Variants in ATP1A4 observed in about 807,000 individuals in gnomAD.
ATP1A4 encodes sodium/potassium-transporting ATPase subunit alpha-4.
Under a neutral mutation model 114.3 loss-of-function variants are expected in ATP1A4, and 90 were observed. The ratio of observed to expected loss-of-function variants is 0.79; its 90% CI spans 0.66 to 0.94. The LOEUF (loss-of-function observed/expected upper bound fraction) is 0.94. Ranked by LOEUF, ATP1A4 falls within the 40% of genes least tolerant of loss-of-function variation. The pLI is 0.00. For synonymous variants in ATP1A4, 511 were observed against 494.1 expected (o/e 1.03, Z -0.45); for missense variants, 1,222 against 1,313.6 (o/e 0.93, Z 1.08).
chr1:160,181,790 A>G lies in ATP1A4; in HGVS notation c.2843A>G (p.Asn948Ser). ...CTCATCATCTCCAAGACTCGCCGCA[A>G]CTCACTTTTCCAGCAGGGCATGAGG... ...ADLIISKTRR[N>S]SLFQQGMRNK... is the part of the protein sequence containing the mutation. Residue 948 changes from asparagine (N) to serine (S), a missense_variant, in exon 19 of 22, where the codon AAC becomes AGC. By Grantham distance (46) the Asn-to-Ser change is conservative (BLOSUM62 1). Transcript: ENST00000368081. The G allele has an allele frequency of 1.9e-6, 3 of 1,613,566 alleles. No individual in the cohort carries two copies. The highest frequency in any genetic ancestry group is 2.5e-6 in the Non-Finnish European group (3 of 1,179,926).
At chr1:160,168,179 G>T (rs1653109360) in intron 10 of ATP1A4, among the ~76,000 whole-genome samples, 1 of 152,144 alleles carries the variant, frequency 6.6e-6, no homozygotes, top group African/African-American at 2.4e-5. Context: ...TGAAGAGAAG[G>T]TTATGGTAGG....
intron 6 of ATP1A4, among the ~76,000 whole-genome samples, chr1:160,162,772 G>A (rs952705104): frequency 2.6e-5 from 4 of 152,168 alleles, no homozygotes; most frequent in African/African-American, 9.7e-5. Context: ...ATAAGGGGAT[G>A]TTGGAACATA....
At chr1:160,158,927 CAGA>C in intron 4 of ATP1A4, 72 bp from the exon 5 acceptor site, 1 of 1,502,548 alleles carries the variant, frequency 6.7e-7, no homozygotes. Flanking sequence ...AGACCAATAA[CAGA>C]AGGTTTTAGG....
At chr1:160,165,561 C>T (rs1652996715) in intron 7 of ATP1A4, among the ~76,000 whole-genome samples, 3 of 151,578 alleles carry the variant, frequency 2.0e-5, no homozygotes, top group South Asian at 2.1e-4. Context: ...AGATCGAGAC[C>T]GTTCTGGCTA....
chr1:160,177,453 C>T, intron 17 of ATP1A4, 66 bp from the exon 18 acceptor site: 2 of 1,580,900 alleles, frequency 1.3e-6, no homozygotes, highest in Non-Finnish European at 1.7e-6. Context: ...CAGCCCTCCC[C>T]TGGCCTACCT....
At chr1:160,174,549 T>C (rs1653389328) in intron 14 of ATP1A4, 30 bp from the exon 15 acceptor site, 34 of 1,603,548 alleles carry the variant, frequency 2.1e-5, no homozygotes, top group Non-Finnish European at 2.8e-5. Context: ...TGCAATAAAT[T>C]GTTCACTCTC....
At chr1:160,184,100 G>C (rs1027801018) in intron 20 of ATP1A4, among the ~76,000 whole-genome samples, 1 of 151,940 alleles carries the variant, frequency 6.6e-6, no homozygotes, top group Non-Finnish European at 1.5e-5. Flanking sequence ...TTACAGGCAC[G>C]CGTCACCACA....
intron 4 of ATP1A4, 25 bp from the exon 5 acceptor site, chr1:160,158,977 A>T: frequency 6.2e-7 from 1 of 1,601,964 alleles, no homozygotes; most frequent in Non-Finnish European, 8.5e-7. Context: ...AGTTTTGGAA[A>T]TGATCCTGCA....
chr1:160,171,561 G>A (rs1244259161), intron 11 of ATP1A4, 24 bp from the exon 12 acceptor site: 2 of 1,610,232 alleles, frequency 1.2e-6, no homozygotes, highest in East Asian at 4.5e-5. Flanking sequence ...ATGACTACTG[G>A]TCCCTCCCTC....
At chr1:160,159,352 A>G in intron 5 of ATP1A4, 57 bp from the exon 6 acceptor site, 3 of 1,484,714 alleles carry the variant, frequency 2.0e-6, no homozygotes, top group Non-Finnish European at 2.8e-6. Flanking sequence ...ATTTTTGTAA[A>G]TAAATCTGCC....
rs141493998 is a variant in ATP1A4, at chr1:160,176,573, G to A, written c.2561G>A (p.Arg854His). 5.8e-5 allele frequency: 94 copies of A among 1,614,132 alleles called. No homozygotes were observed. The highest frequency in any genetic ancestry group is 1.6e-4 in the Middle Eastern group (1 of 6,062). The change falls in exon 17 of 22, where the codon CGT (arginine) becomes CAT (histidine). Residue 854 changes from arginine (R) to histidine (H), a missense_variant. By Grantham distance (29) the Arg-to-His change is conservative. Transcript: ENST00000368081. ...NPKTDNLVNH[R>H]LIGMAYGQIG... is the part of the protein sequence containing the mutation. ...AAGACGGATAATCTGGTGAACCACC[G>A]TCTCATTGGCATGGCCTATGGACAG...
intron 18 of ATP1A4, among the ~76,000 whole-genome samples, chr1:160,179,868 T>C (rs1008236878): frequency 6.6e-6 from 1 of 152,124 alleles, no homozygotes; most frequent in African/African-American, 2.4e-5. Flanking sequence ...CAAGAAGTGT[T>C]GGAACTAGAA....
At position 160,171,425 on chromosome 1, in the gene ATP1A4, G is replaced by T. The variant is rs779267926; in HGVS notation, c.1666G>T (p.Gly556Trp). Residue 556 changes from glycine to tryptophan, a missense_variant, in exon 11 of 22, where the codon GGG becomes TGG. Transcript: ENST00000368081. ...QNAYLELGGLGERVLGFCFLN... is the reference protein window; with the variant it reads ...QNAYLELGGLWERVLGFCFLN... ...TGCCTACTTAGAACTGGGAGGTCTGGGGGAACGTGTGCTAGGTGAGGAGCT... is the reference window on the plus strand; with the variant it reads ...TGCCTACTTAGAACTGGGAGGTCTGTGGGAACGTGTGCTAGGTGAGGAGCT... 1.1e-5 allele frequency: 18 copies of T among 1,614,050 alleles called. No homozygotes were observed. The highest frequency in any genetic ancestry group is 1.7e-5 in the Admixed American group (1 of 60,004).
rs778602426 is a variant in ATP1A4 at position 160,152,069 on chromosome 1, T to C, written c.29T>C (p.Val10Ala). 1.2e-6 allele frequency: 2 copies of C among 1,613,732 alleles called. No homozygotes were observed. Among genetic ancestry groups the C allele is most frequent in the Admixed American group, 1.7e-5 (1 of 59,942 alleles). The change falls in exon 1 of 22, where the codon GTG becomes GCG. Residue 10 changes from valine to alanine, a missense_variant. By Grantham distance (64) the Val-to-Ala change is moderately conservative. Coordinates refer to ENST00000368081, the MANE Select transcript of ATP1A4 (RefSeq NM_144699.4). MGLWGKKGTVAPHDQSPRRR... is the reference protein window; with the variant it reads MGLWGKKGTAAPHDQSPRRR... The stretch of plus-strand genomic sequence containing the variant: ...GGGCTTTGGGGGAAGAAAGGGACAG[T>C]GGCTCCCCATGACCAGAGTCCAAGA...
At chr1:160,168,333 T>C (rs1653114178) in intron 10 of ATP1A4, among the ~76,000 whole-genome samples, 1 of 151,376 alleles carries the variant, frequency 6.6e-6, no homozygotes, top group Non-Finnish European at 1.5e-5. Context: ...GTGGGTAAAA[T>C]GTCTCAGAGA....
intron 7 of ATP1A4, among the ~76,000 whole-genome samples, chr1:160,165,351 T>C (rs1332370949): frequency 6.6e-6 from 1 of 152,250 alleles, no homozygotes; most frequent in Non-Finnish European, 1.5e-5. Context: ...ACAATCTTGC[T>C]TCACACTTGA....
At chr1:160,185,985 C>T (rs1310619572) in intron 20 of ATP1A4, among the ~76,000 whole-genome samples, 2 of 146,812 alleles carry the variant, frequency 1.4e-5, no homozygotes, top group Non-Finnish European at 3.0e-5. Context: ...ATCTCAGCTA[C>T]TCAGGAGGCT....
intron 20 of ATP1A4, among the ~76,000 whole-genome samples, chr1:160,184,489 G>A (rs1031522816): frequency 6.6e-6 from 1 of 152,102 alleles, no homozygotes; most frequent in Non-Finnish European, 1.5e-5. Context: ...CAAGACTGCA[G>A]TGAGTTATGA....
chr1:160,167,221 G>A (rs1653073334), intron 9 of ATP1A4, 57 bp from the exon 10 acceptor site: 5 of 1,541,136 alleles, frequency 3.2e-6, no homozygotes, highest in Non-Finnish European at 3.5e-6. Context: ...CCACAGGTAT[G>A]CCTCATGCCC....
Sources: allele counts gnomAD v4.1 joint callset (sites outside exome capture counted in the v4.1 genomes callset), GRCh38; gene constraint gnomAD v4.1.1; transcripts MANE v1.5; gene names NCBI Gene and HGNC (gene_info 2026-07-23, HGNC 2026-07-21).